The following TRAF3 variants were observed in gnomAD, a reference collection of about 807,000 sequenced individuals.
TRAF3 encodes the protein TNF receptor-associated factor 3.
In TRAF3, 13 loss-of-function variants were observed where a neutral mutation model predicts 62.3. That is an observed-to-expected ratio of 0.21 (90% CI 0.14 to 0.33). The LOEUF is 0.33. TRAF3 is among the 10% of genes least tolerant of loss of function. The pLI, the probability that TRAF3 is intolerant of heterozygous loss-of-function variation, is 1.00. For missense variants in TRAF3, 440 were observed against 741.8 expected (o/e 0.59, Z 4.73); for synonymous variants, 269 against 283.4 (o/e 0.95, Z 0.51).
chr14:102,850,423 G>A (rs1409286175), intron 2 of TRAF3, among the ~76,000 whole-genome samples: 1 of 152,106 alleles, frequency 6.6e-6, no homozygotes, highest in East Asian at 1.9e-4. Context: ...CAGGCCGAGC[G>A]TGCTGGCTCA....
chr14:102,876,896 C>A (rs1343259278), intron 6 of TRAF3, among the ~76,000 whole-genome samples: 2 of 151,404 alleles, frequency 1.3e-5, no homozygotes, highest in African/African-American at 4.9e-5. Flanking sequence ...CGTAGATAAT[C>A]CGTTCCACAG....
At position 102,905,575 on chromosome 14, in the gene TRAF3, G is replaced by C; in HGVS notation, c.1498G>C (p.Asp500His). The C allele has an allele frequency of 6.2e-7, 1 of 1,614,200 alleles. No homozygotes were observed. Among genetic ancestry groups the C allele is most frequent in the Non-Finnish European group, 8.5e-7 (1 of 1,180,046 alleles). The change falls in exon 12 of 12, where the codon GAT becomes CAT. Residue 500 changes from aspartate to histidine, a missense_variant. Asp to His is a moderately conservative substitution (Grantham distance 81). This residue lies in a region of TRAF3 where 59 missense variants were observed against 120.9 expected (regional missense o/e 0.49). Coordinates refer to ENST00000392745, the MANE Select transcript of TRAF3 (RefSeq NM_145725.3). ...GCAGAAAGTGACACTCATGCTGATG[G>C]ATCAGGGGTCCTCTCGACGTCATTT... is the stretch of plus-strand genomic sequence containing the variant. ...FKQKVTLMLM[D>H]QGSSRRHLGD... is the part of the protein sequence containing the mutation.
chr14:102,857,002 G>A (rs1259497328), intron 2 of TRAF3, among the ~76,000 whole-genome samples: 2 of 152,160 alleles, frequency 1.3e-5, no homozygotes, highest in African/African-American at 4.8e-5. Context: ...TACACAAAGA[G>A]TACAACAGCA....
intron 2 of TRAF3, among the ~76,000 whole-genome samples, chr14:102,845,979 T>TCA (rs1886685705): frequency 6.7e-5 from 2 of 29,852 alleles, no homozygotes; most frequent in Non-Finnish European, 1.0e-4. Flanking sequence ...CGACCGTGTC[T>TCA]CAAAAAAAAA....
intron 2 of TRAF3, among the ~76,000 whole-genome samples, chr14:102,846,860 C>G (rs955693025): frequency 6.6e-6 from 1 of 151,984 alleles, no homozygotes; most frequent in African/African-American, 2.4e-5. Flanking sequence ...TACTTACTTA[C>G]GTATGTGGTG....
intron 2 of TRAF3, among the ~76,000 whole-genome samples, chr14:102,834,547 C>T (rs1885857700): frequency 1.3e-5 from 2 of 151,710 alleles, no homozygotes; most frequent in African/African-American, 2.4e-5. Flanking sequence ...ATTAGCCGGG[C>T]GTGGTGGCGG....
intron 6 of TRAF3, among the ~76,000 whole-genome samples, chr14:102,882,377 C>T (rs960685703): frequency 1.4e-4 from 21 of 152,134 alleles, no homozygotes; most frequent in African/African-American, 4.8e-4. Flanking sequence ...CAGCTTCTCT[C>T]AGGGCCTGCA....
rs184004976 is a variant in TRAF3 at position 102,874,054 on chromosome 14, G to A, written c.298-1570G>A. Among the ~76,000 whole-genome samples, 868 of 152,280 alleles carry A rather than the reference G, an allele frequency of 5.7e-3. 9 individuals are homozygous for A. Among genetic ancestry groups the A allele is most frequent in the Admixed American group, 9.8e-3 (150 of 15,292 alleles). ...GCAGGTGGATCACTTGGGCTCAGGAGTTCGAGACCAGAGTGGGCAGCATAT... is the reference window on the plus strand; with the variant it reads ...GCAGGTGGATCACTTGGGCTCAGGAATTCGAGACCAGAGTGGGCAGCATAT... On this transcript the variant is annotated intron_variant, in intron 4 of 11. Transcript: ENST00000392745.
At chr14:102,848,013 C>T (rs1023058741) in intron 2 of TRAF3, among the ~76,000 whole-genome samples, 2 of 152,194 alleles carry the variant, frequency 1.3e-5, no homozygotes, top group African/African-American at 4.8e-5. Context: ...AATCTCTCGG[C>T]CCTACCCTTC....
rs890873108 is a variant in TRAF3, at chr14:102,874,459, G to A, written c.298-1165G>A. ...TTTCTAGTAGAGATGGGGTTTCACC[G>A]TGTTGGCCAGGCTGGTCTCAAACTC... On this transcript the variant is annotated intron_variant, in intron 4 of 11. Coordinates refer to ENST00000392745, the MANE Select transcript of TRAF3 (RefSeq NM_145725.3). 6.6e-5 allele frequency among the ~76,000 whole-genome samples: 10 copies of A among 151,914 alleles called. No individual in the cohort carries two copies. The South Asian group carries it at 1.2e-3, about 19-fold the overall frequency.
At chr14:102,854,744 G>C (rs531600815) in intron 2 of TRAF3, among the ~76,000 whole-genome samples, 1 of 149,488 alleles carries the variant, frequency 6.7e-6, no homozygotes, top group South Asian at 2.1e-4. Flanking sequence ...CAAGTGATCT[G>C]CCCACCTCAG....
chr14:102,797,273 T>G (rs1898145126), intron 1 of TRAF3, among the ~76,000 whole-genome samples: 1 of 152,218 alleles, frequency 6.6e-6, no homozygotes, highest in South Asian at 2.1e-4. Flanking sequence ...GTGAAACATG[T>G]AATGTGTAGT....
intron 1 of TRAF3, among the ~76,000 whole-genome samples, chr14:102,780,220 G>A (rs1897218084): frequency 6.6e-6 from 1 of 152,168 alleles, no homozygotes; most frequent in African/African-American, 2.4e-5. Flanking sequence ...CCAGACGCCC[G>A]GGAGAGGTAC....
At chr14:102,889,300 T>A (rs1889577005) in intron 7 of TRAF3, among the ~76,000 whole-genome samples, 1 of 152,234 alleles carries the variant, frequency 6.6e-6, no homozygotes, top group Non-Finnish European at 1.5e-5. Context: ...CATGTCACAT[T>A]GAACAATTTG....
At chr14:102,847,854 TCTGA>T (rs1886813589) in intron 2 of TRAF3, among the ~76,000 whole-genome samples, 1 of 152,216 alleles carries the variant, frequency 6.6e-6, no homozygotes, top group African/African-American at 2.4e-5. Context: ...TTGGTTTGTG[TCTGA>T]CCTTATTTTT....
At chr14:102,876,550 C>A (rs1888662843) in intron 6 of TRAF3, 25 bp downstream of exon 6, 1 of 1,610,672 alleles carries the variant, frequency 6.2e-7, no homozygotes, top group Non-Finnish European at 8.5e-7. Flanking sequence ...ATTCCACAGG[C>A]CTTCCACTCA....
chr14:102,822,852 CA>C (rs1900063915), intron 1 of TRAF3, among the ~76,000 whole-genome samples: 1 of 152,000 alleles, frequency 6.6e-6, no homozygotes. Flanking sequence ...ACTAAAAATA[CA>C]AAATTAGCCG....
intron 1 of TRAF3, among the ~76,000 whole-genome samples, chr14:102,778,041 C>G (rs1395364626): frequency 6.6e-6 from 1 of 150,404 alleles, no homozygotes; most frequent in Non-Finnish European, 1.5e-5. Context: ...CCCGCGGGGC[C>G]GCGGGTTTCA....
Position 102,871,913 on chromosome 14 carries a change from G to A in TRAF3, c.246-4G>A. On this transcript the variant is annotated splice_region_variant and splice_polypyrimidine_tract_variant and intron_variant, in intron 3 of 11. Transcript: ENST00000392745. Reference sequence around the variant, plus strand: ...CTAATGCAGTCACTTGTGTTTCCCTGCAGCTCTTCAAGTCCAAAATGTACA... The same window carrying A: ...CTAATGCAGTCACTTGTGTTTCCCTACAGCTCTTCAAGTCCAAAATGTACA... The A allele has an allele frequency of 6.2e-7, 1 of 1,614,100 alleles. No individual in the cohort carries two copies. Among genetic ancestry groups the A allele is most frequent in the Non-Finnish European group, 8.5e-7 (1 of 1,179,978 alleles).
Sources: allele counts gnomAD v4.1 joint callset (sites outside exome capture counted in the v4.1 genomes callset), GRCh38; gene constraint gnomAD v4.1.1; regional missense constraint gnomAD v4.1.1; transcripts MANE v1.5; gene names NCBI Gene and HGNC (gene_info 2026-07-23, HGNC 2026-07-21).